The following GNB5 variants were observed in gnomAD, a reference collection of about 807,000 sequenced individuals.
GNB5 encodes the protein G protein subunit beta 5, also known as guanine nucleotide-binding protein subunit beta-5.
In GNB5, 37 loss-of-function variants were observed where a neutral mutation model predicts 55.3. The ratio of observed to expected loss-of-function variants is 0.67; its 90% CI spans 0.51 to 0.88. GNB5 has a LOEUF of 0.88. Among genes scored for constraint, GNB5 ranks in the 40% least tolerant of loss-of-function variants. The probability of loss-of-function intolerance (pLI) is 0.00; values close to 1 mark genes in which losing one functional copy is unlikely to be tolerated. For synonymous variants in GNB5, 219 were observed against 198.5 expected, an observed-to-expected ratio of 1.10 and a Z score of -0.87; for missense variants, 476 against 515.3, an observed-to-expected ratio of 0.92 and a Z score of 0.74.
chr15:52,168,847 C>G (rs756174717), intron 3 of GNB5, among the ~76,000 whole-genome samples: 1 of 152,110 alleles, frequency 6.6e-6, no homozygotes, highest in Non-Finnish European at 1.5e-5. Flanking sequence ...TTTGATGAAC[C>G]TGACAAAAAC....
At chr15:52,143,039 C>T (rs1362231416) in intron 6 of GNB5, among the ~76,000 whole-genome samples, 2 of 152,052 alleles carry the variant, frequency 1.3e-5, no homozygotes, top group Non-Finnish European at 2.9e-5. Flanking sequence ...CCTGTAATCC[C>T]AGCTACTTGG....
intron 3 of GNB5, among the ~76,000 whole-genome samples, chr15:52,157,085 G>A (rs1157178188): frequency 7.3e-5 from 11 of 149,832 alleles, no homozygotes; most frequent in South Asian, 2.1e-4. Flanking sequence ...ACAGGCGCCC[G>A]CCACCACTCC....
intron 3 of GNB5, among the ~76,000 whole-genome samples, chr15:52,161,719 T>C (rs1209207547): frequency 1.3e-5 from 2 of 152,182 alleles, no homozygotes; most frequent in Non-Finnish European, 2.9e-5. Context: ...TCATGGAAAG[T>C]TACAGCCAGA....
intron 10 of GNB5, 28 bp downstream of exon 10, chr15:52,128,168 A>C: frequency 2.0e-6 from 3 of 1,526,376 alleles, no homozygotes; most frequent in Non-Finnish European, 2.7e-6. Flanking sequence ...ATTGACTAGG[A>C]AAAGCTCTCA....
At chr15:52,133,108 T>C (rs575023623) in intron 9 of GNB5, among the ~76,000 whole-genome samples, 11 of 152,338 alleles carry the variant, frequency 7.2e-5, no homozygotes, top group Non-Finnish European at 1.5e-4. Flanking sequence ...ATATCTAGCA[T>C]ATAAATACTT....
At chr15:52,145,650 A>T (rs889945286) in intron 6 of GNB5, among the ~76,000 whole-genome samples, 7 of 151,966 alleles carry the variant, frequency 4.6e-5, no homozygotes, top group Non-Finnish European at 1.0e-4. Context: ...ATCTCAAAAA[A>T]TAAAAAGAGT....
In GNB5 at chr15:52,137,958, A is replaced by G. The variant is rs773854620; in HGVS notation, c.628-2202T>C. Reference sequence around the variant, plus strand: ...GATTACTGATGGCTGAGGAAAGAAAAGAGGAATCAGGCCTTATGCACCGCT... The same window carrying G: ...GATTACTGATGGCTGAGGAAAGAAAGGAGGAATCAGGCCTTATGCACCGCT... On this transcript the variant is annotated intron_variant, in intron 7 of 12. Transcript: ENST00000261837. 7.0e-6 allele frequency: 9 copies of G among 1,287,130 alleles called. No individual in the cohort carries two copies. In the South Asian group the frequency reaches 8.6e-5, roughly 12 times the overall value. 79.7% of individuals were successfully genotyped at this position (1,287,130 alleles called of 1,614,324 possible).
intron 3 of GNB5, 106 bp from the exon 4 acceptor site, chr15:52,154,182 G>C: frequency 2.0e-6 from 2 of 999,652 alleles, no homozygotes; most frequent in South Asian, 1.8e-5. Flanking sequence ...GGCCCCATGG[G>C]CTTCCTCCAT....
intron 8 of GNB5, among the ~76,000 whole-genome samples, chr15:52,134,187 A>G (rs971191788): frequency 1.3e-5 from 2 of 152,222 alleles, no homozygotes; most frequent in Non-Finnish European, 2.9e-5. Context: ...CCATTATCCT[A>G]TCAAGGCTCT....
chr15:52,122,634 G>A lies in GNB5; in HGVS notation c.*123C>T. 1.3e-6 allele frequency: 1 copy of A among 775,146 alleles called. No homozygotes were observed. The highest frequency in any genetic ancestry group is 2.3e-6 in the Non-Finnish European group (1 of 436,468). The allele number at this position is 775,146 out of a possible 1,614,324, so 48.0% of individuals were successfully genotyped here. The stretch of plus-strand genomic sequence containing the variant: ...ATATTGGAGACGCTTAGTGACCTGT[G>A]AGCCATGGGTTGCTCCCCTAAGCTA... On this transcript the variant is annotated 3_prime_UTR_variant, in exon 13 of 13. Transcript: ENST00000261837.
intron 8 of GNB5, among the ~76,000 whole-genome samples, chr15:52,134,111 C>T (rs1225741453): frequency 6.6e-6 from 1 of 152,222 alleles, no homozygotes; most frequent in Non-Finnish European, 1.5e-5. Flanking sequence ...GCCTCAACAC[C>T]TATAAAGTCA....
chr15:52,189,323 C>T (rs114878887), intron 1 of GNB5, among the ~76,000 whole-genome samples: 7,519 of 152,266 alleles, frequency 0.049, 243 homozygotes, highest in African/African-American at 0.088. Flanking sequence ...ACTGGCTGGG[C>T]GTGGTGGCTC....
rs2033370277 is a variant in GNB5, at chr15:52,124,562, G to C, written c.1087C>G (p.Leu363Val). Residue 363 changes from leucine (L) to valine (V), a missense_variant, in exon 12 of 13, where the codon CTG becomes GTG. Transcript: ENST00000261837. ...DVLKGSRVSI[L>V]FGHENRVSTL... ...CTAACGCGGTTTTCATGTCCAAACA[G>C]GATGGAGACCCGGGACCCTTTGAGA... is the stretch of plus-strand genomic sequence containing the variant. 3 of 1,613,672 alleles carry C rather than the reference G, an allele frequency of 1.9e-6. No homozygotes were observed. The highest frequency in any genetic ancestry group is 2.5e-6 in the Non-Finnish European group (3 of 1,179,520).
At chr15:52,178,907 G>A (rs1157000632) in intron 3 of GNB5, among the ~76,000 whole-genome samples, 1 of 152,222 alleles carries the variant, frequency 6.6e-6, no homozygotes, top group African/African-American at 2.4e-5. Context: ...AAGGGGAGAT[G>A]CCACCCTCAG....
intron 1 of GNB5, 107 bp from the exon 2 acceptor site, chr15:52,184,801 G>T: frequency 1.3e-6 from 1 of 776,770 alleles, no homozygotes; most frequent in Non-Finnish European, 2.1e-6. Flanking sequence ...ACGTCTACAT[G>T]TGGGATAGAG....
At chr15:52,182,355 G>A (rs1463824570) in intron 2 of GNB5, among the ~76,000 whole-genome samples, 1 of 152,168 alleles carries the variant, frequency 6.6e-6, no homozygotes, top group South Asian at 2.1e-4. Context: ...TTGGACCGTT[G>A]CAGGATGTGT....
chr15:52,189,028 A>G (rs2034882903), intron 1 of GNB5, among the ~76,000 whole-genome samples: 1 of 152,182 alleles, frequency 6.6e-6, no homozygotes, highest in Non-Finnish European at 1.5e-5. Context: ...GCATTATTCT[A>G]TGCTGTGGAG....
At chr15:52,145,543 G>A (rs1432069559) in intron 6 of GNB5, among the ~76,000 whole-genome samples, 1 of 152,166 alleles carries the variant, frequency 6.6e-6, no homozygotes, top group South Asian at 2.1e-4. Context: ...TACTTGGGAG[G>A]CTGAGGCAGA....
chr15:52,135,128 G>A (rs2033671103), intron 8 of GNB5, among the ~76,000 whole-genome samples: 1 of 152,020 alleles, frequency 6.6e-6, no homozygotes, highest in East Asian at 1.9e-4. Context: ...GGAGGATGGT[G>A]GCTGGCAGGG....
Sources: gnomAD v4.1 joint callset for allele counts (sites outside exome capture counted in the v4.1 genomes callset) on GRCh38, gnomAD v4.1.1 for gene constraint, MANE v1.5 for transcripts, NCBI Gene and HGNC (gene_info 2026-07-23, HGNC 2026-07-21) for gene names.